The following PPP1R13B variants were observed in gnomAD, a reference collection of about 807,000 sequenced individuals.
The protein encoded by PPP1R13B is protein phosphatase 1 regulatory subunit 13B.
A neutral mutation model predicts 119.8 loss-of-function variants in PPP1R13B; 44 were observed. That is an observed-to-expected ratio of 0.37 (90% CI 0.29 to 0.47). PPP1R13B has a LOEUF of 0.47. PPP1R13B is among the 20% of genes least tolerant of loss of function. PPP1R13B has a pLI of 0.99. For missense variants in PPP1R13B, 1,227 were observed against 1,413.5 expected, an observed-to-expected ratio of 0.87 and a Z score of 2.12; for synonymous variants, 542 against 561.5, an observed-to-expected ratio of 0.97 and a Z score of 0.49.
rs562388496 is a variant in PPP1R13B at position 103,793,258 on chromosome 14, T to C, written c.157+4113A>G. On this transcript the variant is annotated intron_variant, in intron 2 of 16. Transcript: ENST00000202556. ...ACACTACTGATCTGGTTAGGTTTTA[T>C]GTCCCCACCCAAATCTCATCTTGAA... Among the ~76,000 whole-genome samples the C allele has an allele frequency of 9.9e-5, 15 of 152,274 alleles. No individual in the cohort carries two copies. The South Asian group carries it at 2.9e-3, about 30-fold the overall frequency.
At chr14:103,840,948 C>T (rs1483474312) in intron 1 of PPP1R13B, among the ~76,000 whole-genome samples, 1 of 152,098 alleles carries the variant, frequency 6.6e-6, no homozygotes, top group African/African-American at 2.4e-5. Flanking sequence ...ATGCATGTAA[C>T]AAAATATCAC....
chr14:103,812,059 CAA>C (rs557000296), intron 1 of PPP1R13B, among the ~76,000 whole-genome samples: 5,755 of 57,528 alleles, frequency 0.1, 59 homozygotes, highest in Middle Eastern at 0.14. Flanking sequence ...GACTCCCCCT[CAA>C]AAAAAAAAAA....
intron 1 of PPP1R13B, among the ~76,000 whole-genome samples, chr14:103,826,630 T>G (rs994234793): frequency 4.0e-5 from 6 of 151,260 alleles, no homozygotes; most frequent in Non-Finnish European, 8.8e-5. Context: ...GTTTAGATTA[T>G]GGTAGGTATA....
intron 4 of PPP1R13B, among the ~76,000 whole-genome samples, chr14:103,775,110 A>G (rs2085156049): frequency 3.3e-5 from 5 of 152,182 alleles, no homozygotes. Context: ...CCAATTTATC[A>G]TACATTTGGA....
intron 4 of PPP1R13B, chr14:103,763,740 A>C (rs1037594428): frequency 2.0e-5 from 3 of 152,188 alleles, no homozygotes; most frequent in Admixed American, 2.0e-4. Flanking sequence ...AACCATCACC[A>C]CAACTCTGTT....
intron 2 of PPP1R13B, among the ~76,000 whole-genome samples, chr14:103,790,429 T>C (rs1717131292): frequency 6.6e-6 from 1 of 152,032 alleles, no homozygotes; most frequent in South Asian, 2.1e-4. Flanking sequence ...GGTGGGGTCT[T>C]TGAGAAGCGA....
At position 103,847,340 on chromosome 14, in the gene PPP1R13B, G is replaced by T; in HGVS notation, c.-33C>A. On this transcript the variant is annotated 5_prime_UTR_variant, in exon 1 of 17. Coordinates refer to ENST00000202556, the MANE Select transcript of PPP1R13B (RefSeq NM_015316.3). ...AGAGTCCGCGACGCCCTCGGCCGCC[G>T]CCTGACAGGACGCTCCGCGCCGAGC... 1 of 1,163,990 alleles carries T rather than the reference G, an allele frequency of 8.6e-7. No individual in the cohort carries two copies. Among genetic ancestry groups the T allele is most frequent in the Non-Finnish European group, 1.1e-6 (1 of 927,006 alleles). The allele number at this position is 1,163,990 out of a possible 1,614,324, so 72.1% of individuals were successfully genotyped here.
chr14:103,751,853 G>C (rs1299879148), intron 7 of PPP1R13B, among the ~76,000 whole-genome samples: 3 of 152,180 alleles, frequency 2.0e-5, no homozygotes, highest in Non-Finnish European at 4.4e-5. Flanking sequence ...TTTTGTTATA[G>C]CAGTCTGAGC....
In PPP1R13B at chr14:103,746,451, A is replaced by G. The variant is rs1165695692; in HGVS notation, c.1072T>C (p.Phe358Leu). Residue 358 changes from phenylalanine (F) to leucine (L), a missense_variant, in exon 9 of 17, where the codon TTT becomes CTT. By Grantham distance (22) the Phe-to-Leu change is conservative. Transcript: ENST00000202556. ...PYIQVPSAGS[F>L]PVLGDPIKPQ... ...TTTATAGGGTCCCCCAGCACAGGAA[A>G]GCTTCCGGCACTGGGAACCTGGATA... The G allele has an allele frequency of 1.9e-6, 3 of 1,614,152 alleles. No homozygotes were observed.
intron 7 of PPP1R13B, among the ~76,000 whole-genome samples, chr14:103,751,012 G>A (rs2084530755): frequency 6.6e-6 from 1 of 151,920 alleles, no homozygotes; most frequent in South Asian, 2.1e-4. Flanking sequence ...AAATTAGCCA[G>A]GTATGGTGGC....
intron 4 of PPP1R13B, among the ~76,000 whole-genome samples, chr14:103,777,810 A>C (rs1731248339): frequency 6.6e-6 from 1 of 151,630 alleles, no homozygotes; most frequent in Non-Finnish European, 1.5e-5. Flanking sequence ...TAAAAAAAAA[A>C]AAAAAACAGG....
rs191911701 is a variant in PPP1R13B, at chr14:103,812,886, G to A, written c.10-15368C>T. Among the ~76,000 whole-genome samples the A allele has an allele frequency of 3.0e-3, 453 of 152,294 alleles. 2 individuals are homozygous for A. The highest frequency in any genetic ancestry group is 0.01 in the African/African-American group (427 of 41,566). On this transcript the variant is annotated intron_variant, in intron 1 of 16. Coordinates refer to ENST00000202556, the MANE Select transcript of PPP1R13B (RefSeq NM_015316.3). ...ATACTACTACACACCTACTAGAATG[G>A]CCCAAATCCAAAGCATCGACAACAC...
chr14:103,840,803 A>G (rs1016983386), intron 1 of PPP1R13B, among the ~76,000 whole-genome samples: 1 of 150,514 alleles, frequency 6.6e-6, no homozygotes, highest in African/African-American at 2.5e-5. Context: ...AAAAAAAAAG[A>G]AAGAAAGAAA....
Position 103,741,923 on chromosome 14 carries a change from C to T in PPP1R13B, c.1689G>A (p.Arg563=). 1 of 1,614,170 alleles carries T rather than the reference C, an allele frequency of 6.2e-7. No homozygotes were observed. Among genetic ancestry groups the T allele is most frequent in the Non-Finnish European group, 8.5e-7 (1 of 1,180,034 alleles). The part of the protein sequence containing the change: ...IRPFLADKGS[R]PQSPRKGPQT... ...GGGGTCCTTTCCTGGGAGACTGTGG[C>T]CTTGACCCTTTATCAGCCAGGAAAG... Residue 563 remains arginine, a synonymous_variant, in exon 11 of 17, where the codon AGG becomes AGA. Transcript: ENST00000202556.
In PPP1R13B at chr14:103,742,601, G is replaced by A; in HGVS notation, c.1320+53C>T. The A allele has an allele frequency of 6.3e-7, 1 of 1,585,412 alleles. No homozygotes were observed. The highest frequency in any genetic ancestry group is 2.2e-5 in the East Asian group (1 of 44,648). ...CCTTTAGCTTAGTACTAAGGCAGAA[G>A]AGAGCCCTGTTGAAGAGCCCGCTTG... On this transcript the variant is annotated intron_variant, in intron 10 of 16. Coordinates refer to ENST00000202556, the MANE Select transcript of PPP1R13B (RefSeq NM_015316.3). This position sits in a 1 kb window ranked among gnomAD's most constrained non-coding sequence, Gnocchi z 4.9.
rs1048799514 is a variant in PPP1R13B at position 103,738,102 on chromosome 14, C to T, written c.2865-242G>A. On this transcript the variant is annotated intron_variant, in intron 14 of 16. Transcript: ENST00000202556. This position sits in a 1 kb window ranked among gnomAD's most constrained non-coding sequence, Gnocchi z 5.6. The stretch of plus-strand genomic sequence containing the variant: ...GGCCAATCCACAGATGTTCACGCCA[C>T]ACTGCATGGTGATGTGAATGTACAT... 3.3e-5 allele frequency among the ~76,000 whole-genome samples: 5 copies of T among 152,226 alleles called. No individual in the cohort carries two copies. Among genetic ancestry groups the T allele is most frequent in the African/African-American group, 1.2e-4 (5 of 41,462 alleles).
At chr14:103,790,121 C>T (rs181439748) in intron 2 of PPP1R13B, among the ~76,000 whole-genome samples, 1 of 151,856 alleles carries the variant, frequency 6.6e-6, no homozygotes, top group African/African-American at 2.4e-5. Flanking sequence ...TGGCGGGCGC[C>T]TATAATCCCA....
At chr14:103,771,047 A>G (rs2085055418) in intron 4 of PPP1R13B, among the ~76,000 whole-genome samples, 1 of 152,146 alleles carries the variant, frequency 6.6e-6, no homozygotes, top group African/African-American at 2.4e-5. Flanking sequence ...ACCTCAATGT[A>G]AGGCTAACTA....
Position 103,784,881 on chromosome 14 carries a change from T to C in PPP1R13B, c.191A>G (p.Glu64Gly). Residue 64 changes from glutamate (E) to glycine (G), a missense_variant, in exon 3 of 17, where the codon GAA (glutamate) becomes GGA (glycine). Physicochemically the swap from Glu to Gly is moderately conservative, Grantham distance 98. Transcript: ENST00000202556. ...CCGTGGACCCCATTTCTGAAGATGT[T>C]CGTACATCATATGATCAAAGGGTAT... ...RPIPFDHMMY[E>G]HLQKWGPRRE... The C allele has an allele frequency of 6.2e-7, 1 of 1,608,026 alleles. No homozygotes were observed. Among genetic ancestry groups the C allele is most frequent in the Non-Finnish European group, 8.5e-7 (1 of 1,175,410 alleles).
Sources: gnomAD v4.1 joint callset for allele counts (sites outside exome capture counted in the v4.1 genomes callset) on GRCh38, gnomAD v4.1.1 for gene constraint, Gnocchi (gnomAD v3.1) non-coding constraint, MANE v1.5 for transcripts, NCBI Gene and HGNC (gene_info 2026-07-23, HGNC 2026-07-21) for gene names.